Variants in SCN9A observed in about 807,000 individuals in gnomAD.
The protein encoded by SCN9A is sodium voltage-gated channel alpha subunit 9.
SCN9A carries 131 observed loss-of-function variants against 187.0 expected under a neutral mutation model. The observed-to-expected ratio is 0.70, with a 90% CI of 0.61 to 0.81. The LOEUF is 0.81. Ranked by LOEUF, SCN9A falls within the 30% of genes least tolerant of loss-of-function variation. The probability of loss-of-function intolerance (pLI) is 0.00; values close to 1 mark genes in which losing one functional copy is unlikely to be tolerated. For synonymous variants in SCN9A, 809 were observed against 808.6 expected, an observed-to-expected ratio of 1.00 and a Z score of -0.01; for missense variants, 2,252 against 2,396.6, an observed-to-expected ratio of 0.94 and a Z score of 1.26.
chr2:166,360,902 A>G (rs1177765723), intron 1 of SCN9A, among the ~76,000 whole-genome samples: 1 of 152,184 alleles, frequency 6.6e-6, no homozygotes, highest in Admixed American at 6.5e-5. Flanking sequence ...CCTATGTTTT[A>G]TCTTGCCAAA....
intron 22 of SCN9A, among the ~76,000 whole-genome samples, chr2:166,228,340 T>G (rs1694931309): frequency 7.6e-6 from 1 of 131,640 alleles, no homozygotes; most frequent in Non-Finnish European, 1.6e-5. Flanking sequence ...CACTGCAACC[T>G]CCGCCTCCCA....
chr2:166,333,203 G>A (rs920928342), intron 1 of SCN9A, among the ~76,000 whole-genome samples: 1 of 151,956 alleles, frequency 6.6e-6, no homozygotes, highest in Non-Finnish European at 1.5e-5. Context: ...TTATCATTGT[G>A]TATACATATT....
chr2:166,277,319 T>C lies in SCN9A; in HGVS notation c.2538A>G (p.Ala846=), dbSNP rs922811520. ...GCATGTTCAATGTTGGCCAGGATTT[T>C]GCCAACTTGAAGACTCGGAGCTAAA... The part of the protein sequence containing the change: ...SFRLLRVFKL[A]KSWPTLNMLI... The change falls in exon 16 of 27, where the codon GCA becomes GCG. Residue 846 remains alanine, a synonymous_variant. Transcript: ENST00000642356. The C allele has an allele frequency of 6.2e-7, 1 of 1,608,436 alleles. No homozygotes were observed. Among genetic ancestry groups the C allele is most frequent in the Non-Finnish European group, 8.5e-7 (1 of 1,175,542 alleles).
intron 24 of SCN9A, among the ~76,000 whole-genome samples, chr2:166,215,978 A>G (rs551311997): frequency 6.6e-6 from 1 of 152,194 alleles, no homozygotes; most frequent in African/African-American, 2.4e-5. Context: ...CATAGATCCA[A>G]AAATTCACAA....
intron 9 of SCN9A, among the ~76,000 whole-genome samples, chr2:166,290,697 C>T (rs1042579181): frequency 6.6e-6 from 1 of 151,948 alleles, no homozygotes; most frequent in Non-Finnish European, 1.5e-5. Flanking sequence ...TGTTTTTTGG[C>T]CGCATAAATG....
At chr2:166,202,718 ATTTAC>A (rs1334238527) in intron 26 of SCN9A, among the ~76,000 whole-genome samples, 11 of 151,690 alleles carry the variant, frequency 7.3e-5, no homozygotes, top group Admixed American at 2.6e-4. Context: ...TTATTAGATA[ATTTAC>A]TTTATTTTTA....
chr2:166,227,341 A>G (rs1574757857), intron 23 of SCN9A, among the ~76,000 whole-genome samples: 3 of 152,338 alleles, frequency 2.0e-5, no homozygotes, highest in South Asian at 4.1e-4. Flanking sequence ...TCACAACACT[A>G]TGGAGTAGGC....
intron 24 of SCN9A, among the ~76,000 whole-genome samples, chr2:166,206,154 T>C (rs868097920): frequency 1.3e-5 from 2 of 152,076 alleles, no homozygotes; most frequent in African/African-American, 4.8e-5. Flanking sequence ...CCCAGCAATC[T>C]CATTACTGGG....
intron 21 of SCN9A, among the ~76,000 whole-genome samples, chr2:166,231,814 T>A (rs1695099514): frequency 6.6e-6 from 1 of 152,016 alleles, no homozygotes; most frequent in Non-Finnish European, 1.5e-5. Context: ...TTAATAAGTT[T>A]GTAGATAATG....
intron 1 of SCN9A, among the ~76,000 whole-genome samples, chr2:166,362,489 T>G (rs1700308429): frequency 6.6e-6 from 1 of 152,024 alleles, no homozygotes; most frequent in South Asian, 2.1e-4. Flanking sequence ...TATTTCTTAC[T>G]TTCTGCCATT....
chr2:166,338,931 A>G (rs1020749209), intron 1 of SCN9A, among the ~76,000 whole-genome samples: 2 of 148,752 alleles, frequency 1.3e-5, no homozygotes, highest in Admixed American at 1.4e-4. Context: ...GTTACTCCCC[A>G]GGCCAGTATA....
intron 1 of SCN9A, among the ~76,000 whole-genome samples, chr2:166,360,572 A>G (rs1700259539): frequency 6.6e-6 from 1 of 152,218 alleles, no homozygotes; most frequent in South Asian, 2.1e-4. Flanking sequence ...CATCAACATG[A>G]TTTAGGAGAA....
chr2:166,318,113 G>C (rs146148893), intron 1 of SCN9A, among the ~76,000 whole-genome samples: 1 of 152,094 alleles, frequency 6.6e-6, no homozygotes, highest in Admixed American at 6.5e-5. Context: ...TTATCTCCAA[G>C]CTATCACCAA....
intron 1 of SCN9A, among the ~76,000 whole-genome samples, chr2:166,365,431 C>A (rs1291542617): frequency 6.6e-6 from 1 of 152,134 alleles, no homozygotes; most frequent in African/African-American, 2.4e-5. Flanking sequence ...AGAGCACACT[C>A]ATCCCTTTCC....
intron 1 of SCN9A, among the ~76,000 whole-genome samples, chr2:166,327,091 C>T (rs115074698): frequency 0.023 from 3,454 of 152,128 alleles, 73 homozygotes; most frequent in Non-Finnish European, 0.036. Context: ...TTTAATATTG[C>T]GTTTATACCA....
chr2:166,303,369 C>G, intron 6 of SCN9A, 67 bp from the exon 7 acceptor site: 1 of 1,284,710 alleles, frequency 7.8e-7, no homozygotes, highest in Admixed American at 2.2e-5. Context: ...AAAACACAAG[C>G]TTTCCTAGAA....
intron 1 of SCN9A, among the ~76,000 whole-genome samples, chr2:166,350,517 T>C (rs1700008874): frequency 6.6e-6 from 1 of 152,224 alleles, no homozygotes; most frequent in South Asian, 2.1e-4. Flanking sequence ...TTAGTATGCA[T>C]AGGGGTATAC....
At chr2:166,231,776 C>T (rs148416974) in intron 21 of SCN9A, among the ~76,000 whole-genome samples, 10,807 of 151,944 alleles carry the variant, frequency 0.071, 411 homozygotes, top group Non-Finnish European at 0.089. Flanking sequence ...TGGTCTCGAA[C>T]TCCTGACCTC....
chr2:166,228,438 T>C (rs2106386734), intron 22 of SCN9A, among the ~76,000 whole-genome samples: 1 of 151,828 alleles, frequency 6.6e-6, no homozygotes. Flanking sequence ...TTTGTATTTT[T>C]AGTAGAGATG....
Sources: allele counts gnomAD v4.1 joint callset (sites outside exome capture counted in the v4.1 genomes callset), GRCh38; gene constraint gnomAD v4.1.1; transcripts MANE v1.5; gene names NCBI Gene and HGNC (gene_info 2026-07-23, HGNC 2026-07-21).